PDLIM5: variants seen among roughly 807,000 people sequenced by gnomAD.
PDLIM5 encodes the protein PDZ and LIM domain protein 5.
PDLIM5 carries 34 observed loss-of-function variants against 64.2 expected under a neutral mutation model. The observed-to-expected ratio is 0.53, with a 90% CI of 0.40 to 0.71. The LOEUF is 0.71. Among genes scored for constraint, PDLIM5 ranks in the 30% least tolerant of loss-of-function variants. The probability of loss-of-function intolerance (pLI) is 0.00; values close to 1 mark genes in which losing one functional copy is unlikely to be tolerated. For synonymous variants in PDLIM5, 253 were observed against 269.1 expected (o/e 0.94, Z 0.59); for missense variants, 683 against 733.6 (o/e 0.93, Z 0.80).
At chr4:94,586,133 G>A (rs1736177295) in intron 6 of PDLIM5, among the ~76,000 whole-genome samples, 1 of 152,090 alleles carries the variant, frequency 6.6e-6, no homozygotes, top group Non-Finnish European at 1.5e-5. Flanking sequence ...TCACGCCACT[G>A]TACTCCAGCC....
intron 3 of PDLIM5, among the ~76,000 whole-genome samples, chr4:94,556,710 A>G (rs374555236): frequency 2.0e-5 from 3 of 152,158 alleles, no homozygotes; most frequent in East Asian, 3.9e-4. Flanking sequence ...CTTATTTTGG[A>G]ACATGTCTGC....
At chr4:94,502,028 T>C (rs549258905) in intron 2 of PDLIM5, among the ~76,000 whole-genome samples, 21 of 152,290 alleles carry the variant, frequency 1.4e-4, no homozygotes, top group Non-Finnish European at 2.6e-4. Flanking sequence ...TACTTTTCTC[T>C]CTTCGTTTCC....
chr4:94,473,365 A>G (rs1053872399), intron 2 of PDLIM5, among the ~76,000 whole-genome samples: 1 of 152,094 alleles, frequency 6.6e-6, no homozygotes, highest in Admixed American at 6.6e-5. Context: ...GGGTTCAAGC[A>G]GTTCTCCTGC....
At chr4:94,459,094 A>G (rs1723641185) in intron 2 of PDLIM5, among the ~76,000 whole-genome samples, 2 of 152,218 alleles carry the variant, frequency 1.3e-5, no homozygotes. Context: ...TTTTGCCAGT[A>G]TATTTTATAA....
intron 2 of PDLIM5, among the ~76,000 whole-genome samples, chr4:94,490,968 T>G (rs1726819487): frequency 6.6e-6 from 1 of 152,204 alleles, no homozygotes. Context: ...TATACCATTG[T>G]TTCTTATACA....
Position 94,536,590 on chromosome 4 carries a change from A to G in PDLIM5, c.248+12715A>G, listed in dbSNP as rs531444712. 6.6e-4 allele frequency among the ~76,000 whole-genome samples: 100 copies of G among 152,314 alleles called. 1 individual carries two copies. The highest frequency in any genetic ancestry group is 1.1e-3 in the Non-Finnish European group (78 of 68,028). On this transcript the variant is annotated intron_variant, in intron 3 of 12. Transcript: ENST00000317968. ...TGGCTTAGATGTAGTCATAGAAGATACCAAATATATATTTATTGCTTTGAG... is the reference window on the plus strand; with the variant it reads ...TGGCTTAGATGTAGTCATAGAAGATGCCAAATATATATTTATTGCTTTGAG...
intron 3 of PDLIM5, among the ~76,000 whole-genome samples, chr4:94,571,651 G>A (rs779748029): frequency 3.9e-5 from 6 of 152,028 alleles, no homozygotes; most frequent in Non-Finnish European, 8.8e-5. Flanking sequence ...AATTTTTTTC[G>A]TAATTATACC....
At chr4:94,516,852 G>T (rs1382154655) in intron 2 of PDLIM5, among the ~76,000 whole-genome samples, 1 of 152,048 alleles carries the variant, frequency 6.6e-6, no homozygotes, top group East Asian at 1.9e-4. Flanking sequence ...TTTTAAGAGG[G>T]ATGTTTACAT....
chr4:94,583,433 G>A (rs1399797164), intron 5 of PDLIM5, among the ~76,000 whole-genome samples: 2 of 152,104 alleles, frequency 1.3e-5, no homozygotes, highest in Non-Finnish European at 2.9e-5. Context: ...CATCATTTAA[G>A]AGCAAACTAC....
intron 3 of PDLIM5, among the ~76,000 whole-genome samples, chr4:94,551,955 A>G (rs185974498): frequency 3.2e-4 from 48 of 152,284 alleles, no homozygotes; most frequent in Non-Finnish European, 4.9e-4. Flanking sequence ...TTTTTCCTGT[A>G]TATGAGGAAC....
At chr4:94,589,110 C>G (rs1256566118) in intron 7 of PDLIM5, among the ~76,000 whole-genome samples, 1 of 152,030 alleles carries the variant, frequency 6.6e-6, no homozygotes, top group Non-Finnish European at 1.5e-5. Context: ...AGTAATTCTT[C>G]CAGGATCCTA....
intron 2 of PDLIM5, among the ~76,000 whole-genome samples, chr4:94,469,759 T>C (rs1578206783): frequency 6.6e-6 from 1 of 152,094 alleles, no homozygotes; most frequent in East Asian, 1.9e-4. Context: ...TTGCTTTTGA[T>C]AGAAATTCCA....
intron 2 of PDLIM5, among the ~76,000 whole-genome samples, chr4:94,481,863 C>T (rs1019225302): frequency 7.9e-5 from 12 of 152,262 alleles, no homozygotes; most frequent in Middle Eastern, 3.4e-3. Context: ...CCCACCTTGG[C>T]CTCCGAAAGT....
chr4:94,577,292 T>C, intron 5 of PDLIM5: 2 of 456,648 alleles, frequency 4.4e-6, no homozygotes, highest in Non-Finnish European at 8.8e-6. Context: ...TTAATTCCTG[T>C]AATGAAGAGG....
At chr4:94,545,127 T>G (rs557789017) in intron 3 of PDLIM5, among the ~76,000 whole-genome samples, 1 of 152,332 alleles carries the variant, frequency 6.6e-6, no homozygotes, top group South Asian at 2.1e-4. Flanking sequence ...CTTTAAAAAG[T>G]TAAGCCTCAA....
intron 7 of PDLIM5, among the ~76,000 whole-genome samples, chr4:94,599,357 A>C (rs1737308626): frequency 6.6e-6 from 1 of 152,084 alleles, no homozygotes; most frequent in East Asian, 1.9e-4. Flanking sequence ...GAAAATTGGT[A>C]AGTCAGTGAA....
At chr4:94,496,844 C>G (rs1727446425) in intron 2 of PDLIM5, among the ~76,000 whole-genome samples, 1 of 152,084 alleles carries the variant, frequency 6.6e-6, no homozygotes, top group Non-Finnish European at 1.5e-5. Flanking sequence ...ATTTTAGGTT[C>G]CATTTGACTT....
At position 94,665,047 on chromosome 4, in the gene PDLIM5, C is replaced by T; in HGVS notation, c.*980C>T. The T allele has an allele frequency of 1.0e-6, 1 of 980,744 alleles. No homozygotes were observed. The highest frequency in any genetic ancestry group is 5.2e-4 in the Middle Eastern group (1 of 1,912). The allele number at this position is 980,744 out of a possible 1,614,324, so 60.8% of individuals were successfully genotyped here. A position where few individuals can be genotyped will look rare whatever the true frequency, so the allele number is the denominator to read the frequency against. ...ATAGCTTATAAGTCTCAAATTTTTG[C>T]CTTTTACTAAAATGTGATTGTTTCT... On this transcript the variant is annotated 3_prime_UTR_variant, in exon 13 of 13. Coordinates refer to ENST00000317968, the MANE Select transcript of PDLIM5 (RefSeq NM_006457.5).
chr4:94,573,237 C>G, intron 3 of PDLIM5, 114 bp from the exon 4 acceptor site: 1 of 719,780 alleles, frequency 1.4e-6, no homozygotes, highest in South Asian at 1.8e-5. Flanking sequence ...ACGATACATT[C>G]CAGTGATTCA....
Sources: gnomAD v4.1 joint callset for allele counts (sites outside exome capture counted in the v4.1 genomes callset) on GRCh38, gnomAD v4.1.1 for gene constraint, MANE v1.5 for transcripts, NCBI Gene and HGNC (gene_info 2026-07-23, HGNC 2026-07-21) for gene names.